ZNF385D: variants seen among roughly 807,000 people sequenced by gnomAD.
ZNF385D encodes zinc finger protein 659.
In ZNF385D, 15 loss-of-function variants were observed where a neutral mutation model predicts 35.8. The ratio of observed to expected loss-of-function variants is 0.42; its 90% confidence interval spans 0.28 to 0.64. ZNF385D has a LOEUF of 0.64. Ranked by LOEUF, ZNF385D falls within the 30% of genes least tolerant of loss-of-function variation. The pLI is 0.23. For synonymous variants in ZNF385D, 212 were observed against 186.8 expected (o/e 1.13, Z -1.10); for missense variants, 474 against 494.6 (o/e 0.96, Z 0.39).
intron 2 of ZNF385D, among the ~76,000 whole-genome samples, chr3:22,288,458 G>T (rs1049206780): frequency 1.3e-5 from 2 of 149,956 alleles, no homozygotes; most frequent in African/African-American, 2.5e-5. Flanking sequence ...TGTTTAAGTG[G>T]ATGATTTCCA....
At chr3:22,245,440 G>A (rs1451155552) in intron 2 of ZNF385D, among the ~76,000 whole-genome samples, 1 of 147,164 alleles carries the variant, frequency 6.8e-6, no homozygotes, top group Non-Finnish European at 1.5e-5. Context: ...GTAGTGTCAT[G>A]GACTCAGCTA....
intron 3 of ZNF385D, among the ~76,000 whole-genome samples, chr3:21,816,497 T>C (rs1048985120): frequency 3.9e-5 from 6 of 152,078 alleles, no homozygotes; most frequent in Non-Finnish European, 5.9e-5. Flanking sequence ...AGATACAAAA[T>C]CAATATGCAA....
At chr3:21,816,182 A>G (rs1156759559) in intron 3 of ZNF385D, among the ~76,000 whole-genome samples, 2 of 152,196 alleles carry the variant, frequency 1.3e-5, no homozygotes, top group African/African-American at 2.4e-5. Flanking sequence ...ACGTATCTCA[A>G]AATAATAAGA....
intron 3 of ZNF385D, among the ~76,000 whole-genome samples, chr3:21,953,928 A>G (rs1343100010): frequency 2.0e-5 from 3 of 152,106 alleles, no homozygotes; most frequent in Non-Finnish European, 4.4e-5. Context: ...GTTTAAAATG[A>G]GATCCCTTCC....
At chr3:22,057,052 A>T (rs1559336186) in intron 3 of ZNF385D, among the ~76,000 whole-genome samples, 1 of 152,210 alleles carries the variant, frequency 6.6e-6, no homozygotes, top group Non-Finnish European at 1.5e-5. Flanking sequence ...TAAAACAGAT[A>T]AACAAAATAT....
At chr3:21,996,072 C>T (rs1222134277) in intron 3 of ZNF385D, among the ~76,000 whole-genome samples, 1 of 152,038 alleles carries the variant, frequency 6.6e-6, no homozygotes, top group Non-Finnish European at 1.5e-5. Flanking sequence ...TATTGTGCCC[C>T]AGGGTAGGAT....
In ZNF385D at chr3:21,940,629, T is replaced by C. The variant is rs114860210; in HGVS notation, c.325+228188A>G. 7.3e-3 allele frequency among the ~76,000 whole-genome samples: 1,107 copies of C among 152,266 alleles called. 7 individuals are homozygous for C. The highest frequency in any genetic ancestry group is 0.02 in the Middle Eastern group (6 of 294). ...GGAACTTAGATTCTAGTTAGGGAGA[T>C]AGACAACAATCAGATTATAAATATG... is the stretch of plus-strand genomic sequence containing the variant. On this transcript the variant is annotated intron_variant, in intron 3 of 5. Coordinates refer to the ZNF385D transcript ENST00000494108.
intron 3 of ZNF385D, among the ~76,000 whole-genome samples, chr3:21,882,903 A>G (rs1311790200): frequency 6.6e-6 from 1 of 152,016 alleles, no homozygotes; most frequent in Admixed American, 6.6e-5. Context: ...AGATGAAGGT[A>G]AAAAGCAATT....
chr3:21,965,859 G>T (rs1032155857), intron 3 of ZNF385D, among the ~76,000 whole-genome samples: 1 of 152,092 alleles, frequency 6.6e-6, no homozygotes, highest in Admixed American at 6.5e-5. Flanking sequence ...AAGGGAGGAA[G>T]GAATGGAAGA....
At chr3:21,975,810 C>T (rs1298521665) in intron 3 of ZNF385D, among the ~76,000 whole-genome samples, 3 of 140,940 alleles carry the variant, frequency 2.1e-5, no homozygotes, top group Non-Finnish European at 3.0e-5. Flanking sequence ...ACTATGTACC[C>T]ATGAAAATAA....
At chr3:21,597,820 C>A (rs1418445619) in intron 2 of ZNF385D, among the ~76,000 whole-genome samples, 1 of 152,076 alleles carries the variant, frequency 6.6e-6, no homozygotes, top group African/African-American at 2.4e-5. Flanking sequence ...AAAATGGCAT[C>A]ATGGACAGTC....
At chr3:21,740,257 C>T (rs2069447297) in intron 1 of ZNF385D, among the ~76,000 whole-genome samples, 1 of 152,146 alleles carries the variant, frequency 6.6e-6, no homozygotes, top group African/African-American at 2.4e-5. Flanking sequence ...AGTGGTAGCT[C>T]ATCTAACTGG....
chr3:21,438,214 C>G (rs1386819287), intron 4 of ZNF385D, among the ~76,000 whole-genome samples: 1 of 152,180 alleles, frequency 6.6e-6, no homozygotes, highest in African/African-American at 2.4e-5. Context: ...CATATCCTAT[C>G]TACCCATATA....
chr3:21,911,253 G>T (rs533133361), intron 3 of ZNF385D, among the ~76,000 whole-genome samples: 54 of 152,026 alleles, frequency 3.6e-4, no homozygotes, highest in African/African-American at 1.3e-3. Flanking sequence ...TTTTATGAGA[G>T]TCCATTAGTT....
intron 3 of ZNF385D, among the ~76,000 whole-genome samples, chr3:22,121,703 G>A (rs1255311140): frequency 6.7e-6 from 1 of 149,780 alleles, no homozygotes; most frequent in African/African-American, 2.5e-5. Context: ...AATGACAAGT[G>A]AGAATTGCTG....
chr3:21,508,979 T>TTC (rs542424438), intron 4 of ZNF385D, among the ~76,000 whole-genome samples: 2 of 146,910 alleles, frequency 1.4e-5, no homozygotes, highest in Non-Finnish European at 3.0e-5. Flanking sequence ...CTTTTTTTTT[T>TTC]TTTCTTTTTC....
At chr3:21,613,797 C>G (rs866201565) in intron 2 of ZNF385D, among the ~76,000 whole-genome samples, 1 of 152,202 alleles carries the variant, frequency 6.6e-6, no homozygotes, top group South Asian at 2.1e-4. Flanking sequence ...TAATCCACAG[C>G]TCAATTCCAT....
chr3:22,178,444 T>G (rs550543959), intron 2 of ZNF385D, among the ~76,000 whole-genome samples: 1 of 152,362 alleles, frequency 6.6e-6, no homozygotes, highest in East Asian at 1.9e-4. Flanking sequence ...TTTTTTCTTG[T>G]AAATTTGTTT....
intron 2 of ZNF385D, among the ~76,000 whole-genome samples, chr3:22,207,214 A>T (rs1427818990): frequency 6.6e-6 from 1 of 151,986 alleles, no homozygotes; most frequent in East Asian, 1.9e-4. Flanking sequence ...GTAGGTTGGT[A>T]CTGGCATAAA....
Sources: allele counts gnomAD v4.1 joint callset (sites outside exome capture counted in the v4.1 genomes callset), GRCh38; gene constraint gnomAD v4.1.1; transcripts MANE v1.5; gene names NCBI Gene and HGNC (gene_info 2026-07-23, HGNC 2026-07-21).